The following TENM3 variants were observed in gnomAD, a reference collection of about 807,000 sequenced individuals.
TENM3 encodes the protein teneurin transmembrane protein 3.
A neutral mutation model predicts 255.1 loss-of-function variants in TENM3; 63 were observed. The ratio of observed to expected loss-of-function variants is 0.25; its 90% confidence interval spans 0.20 to 0.30. The LOEUF is 0.30. Among genes scored for constraint, TENM3 ranks in the 10% least tolerant of loss-of-function variants. The pLI is 1.00. For synonymous variants in TENM3, 1,306 were observed against 1,322.3 expected, an observed-to-expected ratio of 0.99 and a Z score of 0.27; for missense variants, 2,929 against 3,461.1, an observed-to-expected ratio of 0.85 and a Z score of 3.86.
At chr4:181,817,089 T>G in the TENM3 span, among the ~76,000 whole-genome samples, 1 of 152,236 alleles carries the variant, frequency 6.6e-6, no homozygotes, top group Non-Finnish European at 1.5e-5. Flanking sequence ...CGCTATGCCA[T>G]GCTGCATCCA....
the TENM3 span, among the ~76,000 whole-genome samples, chr4:181,967,878 G>A: frequency 6.6e-6 from 1 of 152,122 alleles, no homozygotes; most frequent in East Asian, 1.9e-4. Context: ...CACACAGTTT[G>A]GCTGCTCCAT....
rs1754675411 is a variant in TENM3, at chr4:182,207,643, GTCTT to G, written c.-76+62893_-76+62896del. 3.9e-5 allele frequency among the ~76,000 whole-genome samples: 6 copies of G among 152,230 alleles called. No homozygotes were observed. In the South Asian group the frequency reaches 1.2e-3, roughly 32 times the overall value. On this transcript the variant is annotated intron_variant, in intron 1 of 2. Transcript: ENST00000512480. ...TTAAAATAACTATACAGCTCCTTTA[GTCTT>G]TCTAAGAACTACTTATAAAGCAAAT...
the TENM3 span, among the ~76,000 whole-genome samples, chr4:182,052,252 C>T: frequency 6.6e-5 from 10 of 152,090 alleles, no homozygotes; most frequent in Non-Finnish European, 1.0e-4. Flanking sequence ...TATGAAGGAA[C>T]AGGCACCTGA....
the TENM3 span, among the ~76,000 whole-genome samples, chr4:182,003,556 A>AT: frequency 1.3e-5 from 2 of 152,044 alleles, no homozygotes; most frequent in Admixed American, 6.6e-5. Flanking sequence ...TAATGATTTG[A>AT]TTTTTTTGCA....
the TENM3 span, among the ~76,000 whole-genome samples, chr4:182,071,804 G>A: frequency 3.9e-5 from 6 of 151,978 alleles, no homozygotes; most frequent in Admixed American, 6.6e-5. Context: ...CTGATCTGTC[G>A]AACACCAGGG....
intron 4 of TENM3, among the ~76,000 whole-genome samples, chr4:182,613,356 T>A (rs1251766817): frequency 6.6e-6 from 1 of 152,196 alleles, no homozygotes; most frequent in African/African-American, 2.4e-5. Context: ...GATTTTAGTC[T>A]TCATAATGGC....
At chr4:182,705,525 A>G (rs77676325) in intron 12 of TENM3, among the ~76,000 whole-genome samples, 2,626 of 152,304 alleles carry the variant, frequency 0.017, 81 homozygotes, top group African/African-American at 0.058. Context: ...TCATAGCCAT[A>G]CACATCAGCA....
At chr4:182,626,011 A>T (rs6836153) in intron 4 of TENM3, among the ~76,000 whole-genome samples, 1 of 152,212 alleles carries the variant, frequency 6.6e-6, no homozygotes, top group Non-Finnish European at 1.5e-5. Context: ...ATTTCATGAC[A>T]TGGGAAAATT....
At chr4:182,139,043 T>C (rs1307685433), upstream of TENM3, among the ~76,000 whole-genome samples, 3 of 152,224 alleles carry the variant, frequency 2.0e-5, no homozygotes, top group Non-Finnish European at 4.4e-5. Flanking sequence ...TATCCACTCA[T>C]TCGTTCAACA....
chr4:181,724,865 T>C, the TENM3 span, among the ~76,000 whole-genome samples: 3 of 152,184 alleles, frequency 2.0e-5, no homozygotes, highest in African/African-American at 7.2e-5. Context: ...ATACACAAAA[T>C]TCTCTATTAT....
the TENM3 span, among the ~76,000 whole-genome samples, chr4:181,621,724 G>A: frequency 0.096 from 14,681 of 152,208 alleles, 806 homozygotes; most frequent in South Asian, 0.18. Context: ...TTAAAGATAG[G>A]TTCGTGGAGT....
At chr4:181,517,559 C>T in the TENM3 span, among the ~76,000 whole-genome samples, 1 of 152,208 alleles carries the variant, frequency 6.6e-6, no homozygotes, top group Admixed American at 6.5e-5. Flanking sequence ...AAAAACTTCT[C>T]TTCGCACACA....
intron 1 of TENM3, among the ~76,000 whole-genome samples, chr4:182,309,270 G>A (rs1014893845): frequency 2.0e-5 from 3 of 152,220 alleles, no homozygotes; most frequent in South Asian, 2.1e-4. Flanking sequence ...CCAGGGATCC[G>A]TGAGGAAGGT....
upstream of TENM3, among the ~76,000 whole-genome samples, chr4:182,242,378 G>A (rs1024054581): frequency 1.3e-4 from 20 of 151,962 alleles, no homozygotes; most frequent in Admixed American, 9.8e-4. Context: ...TCCCTACAAA[G>A]GACATGAACT....
chr4:181,763,264 G>A, the TENM3 span, among the ~76,000 whole-genome samples: 7 of 152,050 alleles, frequency 4.6e-5, no homozygotes, highest in Non-Finnish European at 1.0e-4. Flanking sequence ...TACATGCATT[G>A]GATTGGTTCT....
chr4:181,525,240 G>A, the TENM3 span, among the ~76,000 whole-genome samples: 14 of 151,874 alleles, frequency 9.2e-5, no homozygotes, highest in East Asian at 3.9e-4. Flanking sequence ...GTGAAACCCC[G>A]TCTCTACCAA....
intron 2 of TENM3, among the ~76,000 whole-genome samples, chr4:182,340,092 T>A (rs561121369): frequency 6.6e-6 from 1 of 152,192 alleles, no homozygotes; most frequent in Non-Finnish European, 1.5e-5. Flanking sequence ...AATATGCATA[T>A]GTTCGTCCTC....
At chr4:181,472,959 T>G in the TENM3 span, among the ~76,000 whole-genome samples, 2 of 152,166 alleles carry the variant, frequency 1.3e-5, no homozygotes, top group African/African-American at 2.4e-5. Context: ...GTCATAAAAG[T>G]AGAGATAGTT....
the TENM3 span, among the ~76,000 whole-genome samples, chr4:181,952,617 T>C: frequency 3.9e-5 from 6 of 152,216 alleles, no homozygotes; most frequent in Admixed American, 3.3e-4. Flanking sequence ...TCAGAAGATA[T>C]AATGACTCAG....
Sources: gnomAD v4.1 joint callset for allele counts (sites outside exome capture counted in the v4.1 genomes callset) on GRCh38, gnomAD v4.1.1 for gene constraint, MANE v1.5 for transcripts, NCBI Gene and HGNC (gene_info 2026-07-23, HGNC 2026-07-21) for gene names.